TRAF1: variants seen among roughly 807,000 people sequenced by gnomAD.
TRAF1 encodes the protein TNF receptor associated factor 1.
A neutral mutation model predicts 40.9 loss-of-function variants in TRAF1; 23 were observed. The observed-to-expected ratio is 0.56, with a 90% confidence interval of 0.40 to 0.80. TRAF1 has a LOEUF of 0.80. Ranked by LOEUF, TRAF1 falls within the 30% of genes least tolerant of loss-of-function variation. TRAF1 has a pLI of 0.00. For synonymous variants in TRAF1, 206 were observed against 218.8 expected, an observed-to-expected ratio of 0.94 and a Z score of 0.52; for missense variants, 477 against 528.7, an observed-to-expected ratio of 0.90 and a Z score of 0.96.
intron 2 of TRAF1, 66 bp downstream of exon 2, chr9:120,925,870 C>A: frequency 1.2e-6 from 2 of 1,605,832 alleles, no homozygotes; most frequent in East Asian, 2.2e-5. Flanking sequence ...CTGCCCCTCA[C>A]CTCCCATCAG....
intron 1 of TRAF1, 54 bp from the exon 2 acceptor site, chr9:120,926,355 G>A (rs1422315630): frequency 1.1e-5 from 3 of 269,634 alleles, no homozygotes; most frequent in Non-Finnish European, 2.1e-5. Flanking sequence ...AAAAGCAAGA[G>A]AGCAAGTCAG....
chr9:120,912,630 T>C (rs967075631), intron 5 of TRAF1, among the ~76,000 whole-genome samples: 1 of 150,486 alleles, frequency 6.6e-6, no homozygotes, highest in African/African-American at 2.5e-5. Flanking sequence ...CACTCCAGCC[T>C]GGGCGACAGA....
chr9:120,914,299 G>A lies in TRAF1; in HGVS notation c.230C>T (p.Ala77Val). 1 of 1,513,108 alleles carries A rather than the reference G, an allele frequency of 6.6e-7. No homozygotes were observed. Among genetic ancestry groups the A allele is most frequent in the East Asian group, 2.4e-5 (1 of 42,064 alleles). The allele number at this position is 1,513,108 out of a possible 1,614,324, so 93.7% of individuals were successfully genotyped here. A position where few individuals can be genotyped will look rare whatever the true frequency, so the allele number is the denominator to read the frequency against. The change falls in exon 4 of 8, where the codon GCT becomes GTT. Residue 77 changes from alanine to valine, a missense_variant and splice_region_variant. Coordinates refer to ENST00000373887, the MANE Select transcript of TRAF1 (RefSeq NM_005658.5). ...TCCAGCCTCAGCCACCTCGGGGTGAGCCTGGAAATAATAATCACATCACTG... is the reference window on the plus strand; with the variant it reads ...TCCAGCCTCAGCCACCTCGGGGTGAACCTGGAAATAATAATCACATCACTG... ...PGSRLRTQEK[A>V]HPEVAEAGIG...
chr9:120,917,729 T>C (rs1255208177), intron 3 of TRAF1, among the ~76,000 whole-genome samples: 1 of 152,106 alleles, frequency 6.6e-6, no homozygotes, highest in Non-Finnish European at 1.5e-5. Context: ...AAGCCAGCAG[T>C]GGAGCATCTC....
chr9:120,917,494 T>C (rs2046576971), intron 3 of TRAF1, among the ~76,000 whole-genome samples: 1 of 152,244 alleles, frequency 6.6e-6, no homozygotes, highest in Admixed American at 6.5e-5. Flanking sequence ...ATGTAAGCAC[T>C]GGTATTAGTT....
rs1413354078 is a variant in TRAF1 at position 120,903,178 on chromosome 9, C to T, written c.*1842G>A. 6.6e-6 allele frequency: 1 copy of T among 152,326 alleles called. No individual in the cohort carries two copies. The highest frequency in any genetic ancestry group is 1.5e-5 in the Non-Finnish European group (1 of 68,096). The allele number at this position is 152,326 out of a possible 1,614,324, so 9.4% of individuals were successfully genotyped here. A position where few individuals can be genotyped will look rare whatever the true frequency, so the allele number is the denominator to read the frequency against. On this transcript the variant is annotated 3_prime_UTR_variant, in exon 8 of 8. Coordinates refer to ENST00000373887, the MANE Select transcript of TRAF1 (RefSeq NM_005658.5). ...AGTCAGTCTCCACTGCCTCCACAGT[C>T]TCCGCTGCCACGCTGTCAGCCGTGG...
chr9:120,916,742 T>C lies in TRAF1; in HGVS notation c.229-2442A>G, dbSNP rs77571079. Reference sequence around the variant, plus strand: ...GGGACAAGTTGTTCCCAATAAATAATAGAAAACAGATGTTCTATGGAAGGC... The same window carrying C: ...GGGACAAGTTGTTCCCAATAAATAACAGAAAACAGATGTTCTATGGAAGGC... On this transcript the variant is annotated intron_variant, in intron 3 of 7. Transcript: ENST00000373887. Among the ~76,000 whole-genome samples, 83 of 98,298 alleles carry C rather than the reference T, an allele frequency of 8.4e-4. No homozygotes were observed. The East Asian group carries it at 0.028, about 33-fold the overall frequency. The allele number at this position is 98,298 out of a possible 152,430, so 64.5% of individuals were successfully genotyped here. A position where few individuals can be genotyped will look rare whatever the true frequency, so the allele number is the denominator to read the frequency against.
upstream of TRAF1, chr9:120,926,947 C>G (rs2131638181): frequency 6.6e-6 from 1 of 152,340 alleles, no homozygotes; most frequent in South Asian, 2.1e-4. Flanking sequence ...AGCAGCTGGT[C>G]TCAGCATCCA....
chr9:120,908,472 C>T (rs1361744724), intron 7 of TRAF1, among the ~76,000 whole-genome samples: 2 of 152,196 alleles, frequency 1.3e-5, no homozygotes, highest in Non-Finnish European at 2.9e-5. Flanking sequence ...TTACCAATAG[C>T]TGCTTTTAAG....
intron 7 of TRAF1, among the ~76,000 whole-genome samples, chr9:120,908,651 C>T (rs1315895299): frequency 2.0e-5 from 3 of 152,148 alleles, no homozygotes; most frequent in Non-Finnish European, 4.4e-5. Flanking sequence ...CCTCCGCCTC[C>T]CAGGTTCTAG....
chr9:120,920,218 T>C (rs962500016), intron 3 of TRAF1, among the ~76,000 whole-genome samples: 4 of 152,114 alleles, frequency 2.6e-5, no homozygotes, highest in African/African-American at 7.2e-5. Context: ...ACTCCAGGGA[T>C]AGGAGGCTAA....
intron 7 of TRAF1, among the ~76,000 whole-genome samples, chr9:120,908,941 C>A (rs1270435646): frequency 2.0e-5 from 3 of 152,158 alleles, no homozygotes; most frequent in South Asian, 4.1e-4. Context: ...AGCAATCCTC[C>A]CACCTCAGTC....
chr9:120,927,112 G>C (rs1184549532), upstream of TRAF1: 1 of 152,204 alleles, frequency 6.6e-6, no homozygotes, highest in Non-Finnish European at 1.5e-5. Flanking sequence ...AGAGAAGCAA[G>C]ATGCCTGGTC....
chr9:120,918,073 G>A (rs2046580740), intron 3 of TRAF1, among the ~76,000 whole-genome samples: 1 of 152,182 alleles, frequency 6.6e-6, no homozygotes, highest in Admixed American at 6.5e-5. Flanking sequence ...GCCATGTCAA[G>A]GCAAAGAGAG....
chr9:120,922,840 C>A lies in TRAF1; in HGVS notation c.228+865G>T, dbSNP rs561724726. Among the ~76,000 whole-genome samples, 9 of 152,138 alleles carry A rather than the reference C, an allele frequency of 5.9e-5. No homozygotes were observed. In the South Asian group the frequency reaches 1.9e-3, roughly 32 times the overall value. The stretch of plus-strand genomic sequence containing the variant: ...ATAATTTTCATGTGTCCCAAAATAT[C>A]TTTTTTTGTTTTTTTGAGACAGGGT... On this transcript the variant is annotated intron_variant, in intron 3 of 7. Transcript: ENST00000373887.
chr9:120,912,639 G>C (rs2046536490), intron 5 of TRAF1, among the ~76,000 whole-genome samples: 2 of 150,884 alleles, frequency 1.3e-5, no homozygotes, highest in African/African-American at 2.4e-5. Context: ...CTGGGCGACA[G>C]AGCAATACTC....
intron 7 of TRAF1, 97 bp from the exon 8 acceptor site, chr9:120,905,335 C>T (rs2046472590): frequency 7.9e-7 from 1 of 1,264,468 alleles, no homozygotes; most frequent in African/African-American, 1.5e-5. Flanking sequence ...CACCTACTGC[C>T]TGTGCAGCCC....
At chr9:120,911,652 G>A in intron 5 of TRAF1, 139 bp from the exon 6 acceptor site, 3 of 992,584 alleles carry the variant, frequency 3.0e-6, no homozygotes, top group Non-Finnish European at 4.4e-6. Flanking sequence ...GCATCTGAAT[G>A]TGCTGCCCCC....
intron 6 of TRAF1, 138 bp from the exon 7 acceptor site, chr9:120,909,516 G>A: frequency 2.9e-6 from 3 of 1,031,136 alleles, no homozygotes; most frequent in African/African-American, 1.6e-5. Flanking sequence ...TTCTTCTCGA[G>A]TAGGGTGTCA....
Sources: gnomAD v4.1 joint callset for allele counts (sites outside exome capture counted in the v4.1 genomes callset) on GRCh38, gnomAD v4.1.1 for gene constraint, MANE v1.5 for transcripts, NCBI Gene and HGNC (gene_info 2026-07-23, HGNC 2026-07-21) for gene names.